The following SLC24A3 variants were observed in gnomAD, a reference collection of about 807,000 sequenced individuals.
The protein encoded by SLC24A3 is solute carrier family 24 member 3, also known as sodium/potassium/calcium exchanger 3.
A neutral mutation model predicts 75.8 loss-of-function variants in SLC24A3; 28 were observed. That is an observed-to-expected ratio of 0.37 (90% CI 0.27 to 0.51). SLC24A3 has a LOEUF of 0.51. Among genes scored for constraint, SLC24A3 ranks in the 20% least tolerant of loss-of-function variants. The pLI is 0.94. For missense variants in SLC24A3, 663 were observed against 847.8 expected (o/e 0.78, Z 2.71); for synonymous variants, 372 against 334.1 (o/e 1.11, Z -1.24).
At chr20:19,329,040 G>A (rs903829114) in intron 2 of SLC24A3, among the ~76,000 whole-genome samples, 2 of 152,146 alleles carry the variant, frequency 1.3e-5, no homozygotes, top group Non-Finnish European at 2.9e-5. Context: ...TGCATCAGGC[G>A]ACTCCAAGGC....
chr20:19,252,104 CA>C (rs1982676075), intron 1 of SLC24A3, among the ~76,000 whole-genome samples: 1 of 152,162 alleles, frequency 6.6e-6, no homozygotes, highest in African/African-American at 2.4e-5. Context: ...TTGATTCCAC[CA>C]AAGACAACAC....
chr20:19,664,636 C>T (rs2032376361), intron 7 of SLC24A3, among the ~76,000 whole-genome samples: 2 of 152,206 alleles, frequency 1.3e-5, no homozygotes, highest in Non-Finnish European at 2.9e-5. Flanking sequence ...GCTTTGTTAA[C>T]TGAGTTTCCC....
At chr20:19,512,284 G>A (rs956277282) in intron 2 of SLC24A3, among the ~76,000 whole-genome samples, 8 of 152,238 alleles carry the variant, frequency 5.3e-5, no homozygotes, top group African/African-American at 1.9e-4. Context: ...CAAGGAAGGA[G>A]GACCCTGACG....
intron 2 of SLC24A3, among the ~76,000 whole-genome samples, chr20:19,294,034 A>G (rs1984004884): frequency 6.6e-6 from 1 of 152,082 alleles, no homozygotes; most frequent in Admixed American, 6.5e-5. Context: ...AATCATCTCT[A>G]GGTTGCTTAT....
At position 19,452,376 on chromosome 20, in the gene SLC24A3, A is replaced by ATGTGTGTGTGTGTGTGTGTG. The variant is rs34840970; in HGVS notation, c.272-63082_272-63063dup. Among the ~76,000 whole-genome samples the ATGTGTGTGTGTGTGTGTGTG allele has an allele frequency of 4.3e-4, 49 of 113,066 alleles. 3 individuals are homozygous for ATGTGTGTGTGTGTGTGTGTG. Among genetic ancestry groups the ATGTGTGTGTGTGTGTGTGTG allele is most frequent in the East Asian group, 3.0e-3 (10 of 3,296 alleles). 74.2% of individuals were successfully genotyped at this position (113,066 alleles called of 152,430 possible). On this transcript the variant is annotated intron_variant, in intron 2 of 16. Transcript: ENST00000328041. Reference sequence around the variant, plus strand: ...TGGTCAATGTGGGATCCTGTGGGGGATGTGTGTGTGTGTGTGTGTGTGTGT... The same window carrying ATGTGTGTGTGTGTGTGTGTG: ...TGGTCAATGTGGGATCCTGTGGGGGATGTGTGTGTGTGTGTGTGTGTGTGTGTGTGTGTGTGTGTGTGTGT...
At chr20:19,565,406 G>C (rs375504507) in intron 3 of SLC24A3, among the ~76,000 whole-genome samples, 14 of 77,146 alleles carry the variant, frequency 1.8e-4, no homozygotes, top group African/African-American at 4.5e-4. Flanking sequence ...GTGTTCTCGG[G>C]GGGTGGGGGG....
intron 2 of SLC24A3, among the ~76,000 whole-genome samples, chr20:19,400,722 C>T (rs952409207): frequency 2.0e-5 from 3 of 152,184 alleles, no homozygotes; most frequent in African/African-American, 7.2e-5. Context: ...TGCCAGTCTG[C>T]TTCTGTGTTT....
chr20:19,329,433 G>A (rs1335088820), intron 2 of SLC24A3, among the ~76,000 whole-genome samples: 2 of 152,078 alleles, frequency 1.3e-5, no homozygotes, highest in East Asian at 1.9e-4. Context: ...CAGTAGAGCC[G>A]GTCATTATTC....
At chr20:19,234,672 C>T (rs1173571691) in intron 1 of SLC24A3, among the ~76,000 whole-genome samples, 3 of 152,142 alleles carry the variant, frequency 2.0e-5, no homozygotes, top group Non-Finnish European at 4.4e-5. Context: ...GCTGCAGGTG[C>T]ACAGGAGCAC....
intron 2 of SLC24A3, among the ~76,000 whole-genome samples, chr20:19,462,644 C>T (rs1987698275): frequency 6.6e-6 from 1 of 152,178 alleles, no homozygotes; most frequent in South Asian, 2.1e-4. Context: ...GCTTGATGAT[C>T]ATCTGAGAGT....
chr20:19,578,869 A>C (rs748748396), intron 3 of SLC24A3, among the ~76,000 whole-genome samples: 3 of 152,114 alleles, frequency 2.0e-5, no homozygotes, highest in Non-Finnish European at 4.4e-5. Context: ...CCGGGGGCTT[A>C]GGTTTTTTCT....
At chr20:19,649,258 A>C (rs1267982606) in intron 6 of SLC24A3, among the ~76,000 whole-genome samples, 1 of 152,234 alleles carries the variant, frequency 6.6e-6, no homozygotes, top group Non-Finnish European at 1.5e-5. Context: ...TCATCTAGAG[A>C]TAAGTGATCC....
rs1174064486 is a variant in SLC24A3, at chr20:19,572,284, TAC to T, written c.349-7714_349-7713del. ...TCCCTTGAGCTGAGAAGTTTGAGGC[TAC>T]AGTGAGTTATGATCATGCCACTGAA... On this transcript the variant is annotated intron_variant, in intron 3 of 16. Coordinates refer to ENST00000328041, the MANE Select transcript of SLC24A3 (RefSeq NM_020689.4). Among the ~76,000 whole-genome samples, 22 of 152,246 alleles carry T rather than the reference TAC, an allele frequency of 1.4e-4. No individual in the cohort carries two copies. The East Asian group carries it at 4.1e-3, about 28-fold the overall frequency.
chr20:19,225,530 C>T lies in SLC24A3; in HGVS notation c.142+12546C>T, dbSNP rs570286250. Among the ~76,000 whole-genome samples, 166 of 152,120 alleles carry T rather than the reference C, an allele frequency of 1.1e-3. 2 individuals are homozygous for T. The South Asian group carries it at 0.011, about 10-fold the overall frequency. On this transcript the variant is annotated intron_variant, in intron 1 of 16. Coordinates refer to ENST00000328041, the MANE Select transcript of SLC24A3 (RefSeq NM_020689.4). ...AGATCCTGCTTTTAAAATAAAAAAC[C>T]CCTAAACTTGACAGGGTGCAGAACA...
At chr20:19,715,183 C>T (rs764799450) in intron 15 of SLC24A3, among the ~76,000 whole-genome samples, 3 of 152,196 alleles carry the variant, frequency 2.0e-5, no homozygotes, top group Non-Finnish European at 4.4e-5. Context: ...TTGACCAGAA[C>T]ACAGGGGATT....
At chr20:19,438,419 T>C (rs1987242555) in intron 2 of SLC24A3, among the ~76,000 whole-genome samples, 1 of 152,212 alleles carries the variant, frequency 6.6e-6, no homozygotes, top group Non-Finnish European at 1.5e-5. Context: ...TGGTAGGTAG[T>C]GTAGACAGCA....
At chr20:19,623,215 A>G (rs1009744117) in intron 6 of SLC24A3, among the ~76,000 whole-genome samples, 2 of 152,270 alleles carry the variant, frequency 1.3e-5, no homozygotes, top group Non-Finnish European at 2.9e-5. Flanking sequence ...AGTGGCTCCC[A>G]TGGGCTCTGG....
intron 2 of SLC24A3, among the ~76,000 whole-genome samples, chr20:19,314,246 T>C (rs1164852132): frequency 6.6e-6 from 1 of 152,040 alleles, no homozygotes; most frequent in Non-Finnish European, 1.5e-5. Flanking sequence ...TACCTAGTTC[T>C]ATTCCAAATC....
intron 12 of SLC24A3, among the ~76,000 whole-genome samples, chr20:19,688,529 G>A (rs6046246): frequency 0.016 from 2,405 of 152,334 alleles, 78 homozygotes; most frequent in African/African-American, 0.055. Context: ...GAAGCCTGTC[G>A]GGTGCTTCCG....
Sources: allele counts gnomAD v4.1 joint callset (sites outside exome capture counted in the v4.1 genomes callset), GRCh38; gene constraint gnomAD v4.1.1; transcripts MANE v1.5; gene names NCBI Gene and HGNC (gene_info 2026-07-23, HGNC 2026-07-21).